Variants in SIPA1L1 observed in about 807,000 individuals in gnomAD.
SIPA1L1 encodes signal-induced proliferation-associated 1-like protein 1.
In SIPA1L1, 26 loss-of-function variants were observed where a neutral mutation model predicts 162.7. The ratio of observed to expected loss-of-function variants is 0.16; its 90% CI spans 0.12 to 0.22. SIPA1L1 has a LOEUF of 0.22. SIPA1L1 is among the 10% of genes least tolerant of loss of function. The pLI is 1.00. For missense variants in SIPA1L1, 1,874 were observed against 2,241.0 expected, an observed-to-expected ratio of 0.84 and a Z score of 3.31; for synonymous variants, 829 against 837.4, an observed-to-expected ratio of 0.99 and a Z score of 0.17.
chr14:71,678,180 G>A (rs1300500439), intron 12 of SIPA1L1, among the ~76,000 whole-genome samples: 2 of 152,164 alleles, frequency 1.3e-5, no homozygotes, highest in African/African-American at 4.8e-5. Flanking sequence ...ACGCTATGTT[G>A]AATAAGAGTG....
At chr14:71,597,151 TTTTG>T (rs950575913) in intron 5 of SIPA1L1, among the ~76,000 whole-genome samples, 6 of 151,832 alleles carry the variant, frequency 4.0e-5, no homozygotes, top group Admixed American at 1.3e-4. Flanking sequence ...TTTAGATTTT[TTTTG>T]TTTGTTTGTA....
chr14:71,739,053 G>A lies in SIPA1L1; in HGVS notation c.5244G>A (p.Val1748=). Reference sequence around the variant, plus strand: ...ACAAAGCTCACCTTCAGGCGGAGGTGCAGCACCTGCGAGAGGACAACCTGA... The same window carrying A: ...ACAAAGCTCACCTTCAGGCGGAGGTACAGCACCTGCGAGAGGACAACCTGA... The part of the protein sequence containing the change: ...KEDKAHLQAE[V]QHLREDNLRL... Residue 1748 remains valine (V), a synonymous_variant, in exon 24 of 24, where the codon GTG becomes GTA. Coordinates refer to ENST00000381232, the MANE Select transcript of SIPA1L1 (RefSeq NM_001386936.1). 4.3e-6 allele frequency: 7 copies of A among 1,614,078 alleles called. No homozygotes were observed. Among genetic ancestry groups the A allele is most frequent in the Non-Finnish European group, 5.9e-6 (7 of 1,179,972 alleles).
chr14:71,707,845 T>C (rs1233083218), intron 16 of SIPA1L1, among the ~76,000 whole-genome samples: 1 of 152,146 alleles, frequency 6.6e-6, no homozygotes, highest in African/African-American at 2.4e-5. Flanking sequence ...GCAGCTGTTT[T>C]CCCATAGTTA....
intron 3 of SIPA1L1, among the ~76,000 whole-genome samples, chr14:71,519,505 A>T (rs2144783838): frequency 6.6e-6 from 1 of 152,238 alleles, no homozygotes. Flanking sequence ...TGGAGAAATG[A>T]GACCAAAACA....
intron 7 of SIPA1L1, among the ~76,000 whole-genome samples, chr14:71,625,033 A>C (rs1203571820): frequency 6.6e-6 from 1 of 152,154 alleles, no homozygotes; most frequent in African/African-American, 2.4e-5. Flanking sequence ...TAGTTTTAAC[A>C]TTACATTTAA....
At chr14:71,656,251 T>C (rs1311886825) in intron 8 of SIPA1L1, among the ~76,000 whole-genome samples, 1 of 152,152 alleles carries the variant, frequency 6.6e-6, no homozygotes, top group Non-Finnish European at 1.5e-5. Context: ...AGTGTTTTCT[T>C]CCCCAGCAGT....
At chr14:71,501,332 A>G (rs1367859968) in intron 2 of SIPA1L1, among the ~76,000 whole-genome samples, 1 of 152,028 alleles carries the variant, frequency 6.6e-6, no homozygotes, top group Non-Finnish European at 1.5e-5. Context: ...AAATAAATAA[A>G]TAAATAAAAA....
chr14:71,659,309 C>T (rs953657798), intron 9 of SIPA1L1, among the ~76,000 whole-genome samples: 2 of 152,170 alleles, frequency 1.3e-5, no homozygotes, highest in Admixed American at 6.5e-5. Context: ...ATCACATCCT[C>T]TTTCACAGAA....
At chr14:71,710,126 A>G (rs2150006920) in intron 17 of SIPA1L1, among the ~76,000 whole-genome samples, 1 of 152,324 alleles carries the variant, frequency 6.6e-6, no homozygotes, top group East Asian at 1.9e-4. Context: ...CAAGCCGAGA[A>G]CCTCACTTAC....
chr14:71,738,281 C>A lies in SIPA1L1; in HGVS notation c.5164C>A (p.Gln1722Lys). 1 of 1,613,360 alleles carries A rather than the reference C, an allele frequency of 6.2e-7. No homozygotes were observed. Among genetic ancestry groups the A allele is most frequent in the South Asian group, 1.1e-5 (1 of 91,032 alleles). ...SSPTLASKVD[Q>K]LEGMLKMLRE... ...TCCCACTCTGGCTTCTAAAGTGGAC[C>A]AGCTGGAAGGTATGCTGAAGATGCT... The change falls in exon 23 of 24, where the codon CAG (glutamine) becomes AAG (lysine). Residue 1722 changes from glutamine to lysine, a missense_variant. This residue lies in a region of SIPA1L1 where 936 missense variants were observed against 1,051.9 expected (regional missense o/e 0.89). Transcript: ENST00000381232.
chr14:71,442,755 TTGTCTCTATAAAAA>T (rs2141263354), intron 2 of SIPA1L1, among the ~76,000 whole-genome samples: 1 of 152,126 alleles, frequency 6.6e-6, no homozygotes, highest in South Asian at 2.1e-4. Flanking sequence ...TAGTGAGACC[TTGTCTCTATAAAAA>T]AAATAATAAA....
intron 4 of SIPA1L1, among the ~76,000 whole-genome samples, chr14:71,560,123 C>CA (rs1366263742): frequency 2.0e-5 from 3 of 152,116 alleles, no homozygotes; most frequent in African/African-American, 7.2e-5. Flanking sequence ...TATCTTTGAT[C>CA]AAAATATTGT....
intron 7 of SIPA1L1, among the ~76,000 whole-genome samples, chr14:71,646,319 G>C (rs536084516): frequency 1.0e-3 from 157 of 152,180 alleles, no homozygotes; most frequent in Non-Finnish European, 1.9e-3. Flanking sequence ...TGGGACTACA[G>C]GTGCCCGCCA....
At chr14:71,659,573 G>C (rs933740127) in intron 9 of SIPA1L1, among the ~76,000 whole-genome samples, 23 of 152,012 alleles carry the variant, frequency 1.5e-4, no homozygotes, top group Non-Finnish European at 2.6e-4. Flanking sequence ...GCTAAGAAAG[G>C]CATAATAAAC....
At chr14:71,362,745 T>C (rs2037930794) in intron 2 of SIPA1L1, among the ~76,000 whole-genome samples, 1 of 152,248 alleles carries the variant, frequency 6.6e-6, no homozygotes, top group African/African-American at 2.4e-5. Context: ...TAGTGTTGAC[T>C]GTAGTCTAAT....
chr14:71,544,187 A>G (rs973455243), intron 4 of SIPA1L1, among the ~76,000 whole-genome samples: 5 of 151,050 alleles, frequency 3.3e-5, no homozygotes, highest in African/African-American at 1.2e-4. Context: ...GTGTGTGTAT[A>G]TATACATATG....
At chr14:71,572,270 TAA>T (rs966438638) in intron 4 of SIPA1L1, among the ~76,000 whole-genome samples, 2 of 152,210 alleles carry the variant, frequency 1.3e-5, no homozygotes, top group African/African-American at 4.8e-5. Flanking sequence ...CACTGGGGAT[TAA>T]GTTTCAACAT....
chr14:71,530,085 T>G (rs2053281823), intron 4 of SIPA1L1, among the ~76,000 whole-genome samples: 1 of 152,216 alleles, frequency 6.6e-6, no homozygotes. Flanking sequence ...TTCCTTTTTA[T>G]TTAAGCCAGT....
intron 13 of SIPA1L1, among the ~76,000 whole-genome samples, chr14:71,695,825 C>A (rs2081585625): frequency 1.3e-5 from 2 of 152,150 alleles, no homozygotes; most frequent in Admixed American, 1.3e-4. Context: ...TGTATAAGAG[C>A]CAAACACTTC....
Sources: gnomAD v4.1 joint callset for allele counts (sites outside exome capture counted in the v4.1 genomes callset) on GRCh38, gnomAD v4.1.1 for gene constraint, gnomAD v4.1.1 regional missense constraint, MANE v1.5 for transcripts, NCBI Gene and HGNC (gene_info 2026-07-23, HGNC 2026-07-21) for gene names.